Variants in TRIM9 observed in about 807,000 individuals in gnomAD.
TRIM9 encodes the protein tripartite motif containing 9.
A neutral mutation model predicts 78.3 loss-of-function variants in TRIM9; 26 were observed. That is an observed-to-expected ratio of 0.33 (90% CI 0.24 to 0.46). TRIM9 has a LOEUF of 0.46. Among genes scored for constraint, TRIM9 ranks in the 20% least tolerant of loss-of-function variants. The pLI, the probability that TRIM9 is intolerant of heterozygous loss-of-function variation, is 1.00. For missense variants in TRIM9, 787 were observed against 1,036.4 expected (o/e 0.76, Z 3.30); for synonymous variants, 398 against 416.5 (o/e 0.96, Z 0.54).
chr14:51,073,850 T>C (rs2062520554), intron 1 of TRIM9, among the ~76,000 whole-genome samples: 1 of 152,200 alleles, frequency 6.6e-6, no homozygotes, highest in African/African-American at 2.4e-5. Flanking sequence ...ATTTTAGAGA[T>C]AATTTTAGAA....
chr14:51,031,897 A>G (rs2058759061), intron 1 of TRIM9, among the ~76,000 whole-genome samples: 1 of 146,458 alleles, frequency 6.8e-6, no homozygotes. Flanking sequence ...TCTCTCATAT[A>G]CTAAACAAAT....
At chr14:51,083,761 A>T (rs2140324211) in intron 1 of TRIM9, among the ~76,000 whole-genome samples, 1 of 152,334 alleles carries the variant, frequency 6.6e-6, no homozygotes, top group South Asian at 2.1e-4. Flanking sequence ...GGTTCAATGC[A>T]AAATGTTTGA....
rs188443541 is a variant in TRIM9, at chr14:51,050,574, C to T, written c.823-25214G>A. ...ATACAATGTCTTTAACAATGTGACC[C>T]TCCAACAGCAGAGGGTCTATGTTTC... On this transcript the variant is annotated intron_variant, in intron 1 of 12. Coordinates refer to ENST00000684578, the MANE Select transcript of TRIM9 (RefSeq NM_001387360.1). Among the ~76,000 whole-genome samples the T allele has an allele frequency of 2.6e-5, 4 of 152,288 alleles. No individual in the cohort carries two copies. In the East Asian group the frequency reaches 7.7e-4, roughly 29 times the overall value.
intron 7 of TRIM9, among the ~76,000 whole-genome samples, chr14:50,987,700 A>G (rs760275667): frequency 1.3e-5 from 2 of 152,214 alleles, no homozygotes; most frequent in Non-Finnish European, 2.9e-5. Context: ...TTCAAAATAC[A>G]ACACCCAAGC....
In TRIM9 at chr14:50,977,034, G is replaced by A; in HGVS notation, c.*257C>T. On this transcript the variant is annotated 3_prime_UTR_variant, in exon 13 of 13. Coordinates refer to ENST00000684578, the MANE Select transcript of TRIM9 (RefSeq NM_001387360.1). ...AGCAAAATCTGGGAGTGGGAACCAAGTGACTTGGTGGGCTGTCTAGGTCCT... is the reference window on the plus strand; with the variant it reads ...AGCAAAATCTGGGAGTGGGAACCAAATGACTTGGTGGGCTGTCTAGGTCCT... 2.9e-6 allele frequency: 1 copy of A among 345,044 alleles called. No individual in the cohort carries two copies. The highest frequency in any genetic ancestry group is 5.2e-6 in the Non-Finnish European group (1 of 192,194). 21.4% of individuals were successfully genotyped at this position (345,044 alleles called of 1,614,324 possible).
intron 1 of TRIM9, among the ~76,000 whole-genome samples, chr14:51,054,400 G>C (rs2140107633): frequency 6.6e-6 from 1 of 152,150 alleles, no homozygotes; most frequent in Middle Eastern, 3.4e-3. Flanking sequence ...AGCCTCCCGA[G>C]TAGCTGAGAC....
intron 1 of TRIM9, among the ~76,000 whole-genome samples, chr14:51,048,300 T>C (rs61985048): frequency 0.2 from 29,818 of 152,184 alleles, 3,297 homozygotes; most frequent in Non-Finnish European, 0.25. Flanking sequence ...GTTCCTGAGA[T>C]CAGTCCTGAC....
chr14:51,025,404 T>G, intron 1 of TRIM9, 44 bp from the exon 2 acceptor site: 1 of 880,396 alleles, frequency 1.1e-6, no homozygotes, highest in Non-Finnish European at 1.7e-6. Flanking sequence ...AATCACAGGA[T>G]ACACCAACAA....
intron 1 of TRIM9, among the ~76,000 whole-genome samples, chr14:51,025,676 G>C (rs1039382726): frequency 1.2e-4 from 19 of 152,134 alleles, no homozygotes; most frequent in African/African-American, 4.3e-4. Flanking sequence ...TATTTGCTAA[G>C]GACTAAAAAA....
At chr14:51,022,981 A>T (rs1315936412) in intron 2 of TRIM9, 24 bp from the exon 3 acceptor site, 2 of 1,612,510 alleles carry the variant, frequency 1.2e-6, no homozygotes, top group South Asian at 1.1e-5. Context: ...CACATTTCTC[A>T]ACTGCAAGCT....
chr14:51,031,070 C>T (rs184393951), intron 1 of TRIM9, among the ~76,000 whole-genome samples: 153 of 147,176 alleles, frequency 1.0e-3, no homozygotes, highest in African/African-American at 3.6e-3. Flanking sequence ...ATCGCTTGAA[C>T]CTGAGAGGCG....
intron 3 of TRIM9, among the ~76,000 whole-genome samples, chr14:51,020,870 T>C (rs952713445): frequency 5.3e-5 from 8 of 152,330 alleles, no homozygotes; most frequent in African/African-American, 1.9e-4. Flanking sequence ...GGAGTTGCCC[T>C]ACCATCACCA....
intron 1 of TRIM9, among the ~76,000 whole-genome samples, chr14:51,080,560 T>C (rs1476214648): frequency 1.3e-5 from 2 of 152,124 alleles, no homozygotes; most frequent in Admixed American, 1.3e-4. Context: ...CTTGGCAATA[T>C]GTACTGTGTC....
intron 1 of TRIM9, among the ~76,000 whole-genome samples, chr14:51,059,933 A>C (rs1195278611): frequency 3.3e-5 from 5 of 152,228 alleles, no homozygotes; most frequent in Non-Finnish European, 7.3e-5. Context: ...ACGGCCCTAA[A>C]ACCAGGTTGC....
chr14:51,053,552 TA>T (rs1360453746), intron 1 of TRIM9, among the ~76,000 whole-genome samples: 5 of 145,960 alleles, frequency 3.4e-5, no homozygotes, highest in African/African-American at 1.0e-4. Flanking sequence ...TACATTTATT[TA>T]TTTATTTTTT....
chr14:51,039,583 C>T (rs1278841529), intron 1 of TRIM9, among the ~76,000 whole-genome samples: 1 of 152,044 alleles, frequency 6.6e-6, no homozygotes, highest in Non-Finnish European at 1.5e-5. Flanking sequence ...AGTTTGATGG[C>T]GATGGAAGGA....
At chr14:51,022,778 T>G in intron 3 of TRIM9, 57 bp downstream of exon 3, 1 of 1,605,826 alleles carries the variant, frequency 6.2e-7, no homozygotes, top group Non-Finnish European at 8.5e-7. Flanking sequence ...CTGTCCATCA[T>G]GCCCCTCGGG....
At chr14:51,039,420 C>T (rs748714884) in intron 1 of TRIM9, among the ~76,000 whole-genome samples, 1 of 152,238 alleles carries the variant, frequency 6.6e-6, no homozygotes, top group Non-Finnish European at 1.5e-5. Flanking sequence ...ATAAATAAAC[C>T]GTGTGTATTC....
At chr14:51,047,589 C>T (rs1172961511) in intron 1 of TRIM9, among the ~76,000 whole-genome samples, 1 of 152,212 alleles carries the variant, frequency 6.6e-6, no homozygotes, top group African/African-American at 2.4e-5. Context: ...GCACCTAACA[C>T]TTGCAAGGCA....
Sources: gnomAD v4.1 joint callset for allele counts (sites outside exome capture counted in the v4.1 genomes callset) on GRCh38, gnomAD v4.1.1 for gene constraint, MANE v1.5 for transcripts, NCBI Gene and HGNC (gene_info 2026-07-23, HGNC 2026-07-21) for gene names.